COL4A3: variants seen among roughly 807,000 people sequenced by gnomAD.
COL4A3 encodes the protein collagen type IV alpha 3 chain.
A neutral mutation model predicts 217.4 loss-of-function variants in COL4A3; 135 were observed. That is an observed-to-expected ratio of 0.62 (90% CI 0.54 to 0.72). COL4A3 has a LOEUF of 0.72. Among genes scored for constraint, COL4A3 ranks in the 30% least tolerant of loss-of-function variants. The pLI, the probability that COL4A3 is intolerant of heterozygous loss-of-function variation, is 0.00. For synonymous variants in COL4A3, 690 were observed against 736.3 expected (o/e 0.94, Z 1.02); for missense variants, 1,868 against 2,119.9 (o/e 0.88, Z 2.33).
intron 26 of COL4A3, 140 bp from the exon 27 acceptor site, chr2:227,276,245 G>A: frequency 1.4e-6 from 1 of 705,550 alleles, no homozygotes; most frequent in Non-Finnish European, 2.5e-6. Context: ...CCTTAAGCTA[G>A]TTTTGAAGTC....
At position 227,218,078 on chromosome 2, in the gene COL4A3, AGC is replaced by A. The variant is rs1466276646; in HGVS notation, c.88-19889_88-19888del. Among the ~76,000 whole-genome samples, 283 of 48,988 alleles carry A rather than the reference AGC, an allele frequency of 5.8e-3. 2 individuals carry two copies. The highest frequency in any genetic ancestry group is 0.013 in the Admixed American group (53 of 3,932). The allele number at this position is 48,988 out of a possible 152,430, so 32.1% of individuals were successfully genotyped here. The stretch of plus-strand genomic sequence containing the variant: ...CTATATATAAAATAACTATATATAT[AGC>A]TATATATATATATATATATATAGTT... On this transcript the variant is annotated intron_variant, in intron 1 of 51. Coordinates refer to ENST00000396578, the MANE Select transcript of COL4A3 (RefSeq NM_000091.5).
At chr2:227,257,408 T>C (rs2125946180) in intron 17 of COL4A3, among the ~76,000 whole-genome samples, 195 bp from the exon 18 acceptor site, 1 of 152,324 alleles carries the variant, frequency 6.6e-6, no homozygotes, top group African/African-American at 2.4e-5. Context: ...TGTACAACCT[T>C]GTAGATGGGA....
chr2:227,238,526 C>T (rs973279920), intron 2 of COL4A3, among the ~76,000 whole-genome samples: 2 of 151,990 alleles, frequency 1.3e-5, no homozygotes, highest in African/African-American at 2.4e-5. Context: ...TTGCAGAATT[C>T]AAGAAAAAAA....
At chr2:227,263,155 A>T (rs987460191) in intron 20 of COL4A3, among the ~76,000 whole-genome samples, 44 of 152,246 alleles carry the variant, frequency 2.9e-4, no homozygotes, top group African/African-American at 1.1e-3. Context: ...TTGTGTTCAA[A>T]TAATAGGACA....
chr2:227,263,070 T>C (rs1211279751), intron 20 of COL4A3, among the ~76,000 whole-genome samples: 1 of 151,646 alleles, frequency 6.6e-6, no homozygotes, highest in Non-Finnish European at 1.5e-5. Context: ...TTAGTACAAA[T>C]CTAATATGCC....
rs2069730003 is a variant in COL4A3 at position 227,251,364 on chromosome 2, G to T, written c.638G>T (p.Gly213Val). Residue 213 changes from glycine to valine, a missense_variant, in exon 11 of 52, where the codon GGA becomes GTA. This residue lies in a region of COL4A3 where 365 missense variants were observed against 333.8 expected (regional missense o/e 1.09). Transcript: ENST00000396578. ...TTTCCAGGAGCCATGGGACCTAGAG[G>T]ACCTAAGGTAGACTACAGTTCATAT... is the stretch of plus-strand genomic sequence containing the variant. ...FGFPGAMGPR[G>V]PKGHMGERVI... 6.2e-7 allele frequency: 1 copy of T among 1,612,760 alleles called. No homozygotes were observed. The highest frequency in any genetic ancestry group is 8.5e-7 in the Non-Finnish European group (1 of 1,179,880).
intron 1 of COL4A3, among the ~76,000 whole-genome samples, chr2:227,207,230 G>A (rs150895157): frequency 0.011 from 1,689 of 152,188 alleles, 49 homozygotes; most frequent in Admixed American, 0.064. Context: ...TAGAAAAAGA[G>A]TTCTAGGAAA....
At chr2:227,189,928 C>T (rs562676526) in intron 1 of COL4A3, among the ~76,000 whole-genome samples, 54 of 152,246 alleles carry the variant, frequency 3.5e-4, no homozygotes, top group African/African-American at 1.0e-3. Flanking sequence ...CCATTTCTAC[C>T]AGTAATTCTT....
Position 227,261,131 on chromosome 2 carries a change from T to C in COL4A3, c.1150+14T>C, listed in dbSNP as rs1396156222. 3 of 1,607,272 alleles carry C rather than the reference T, an allele frequency of 1.9e-6. No individual in the cohort carries two copies. Among genetic ancestry groups the C allele is most frequent in the Middle Eastern group, 3.3e-4 (2 of 6,052 alleles). ...CTGGAAGTCCTGGTATGTCCATGTT[T>C]CTTGGGGTACAAATAGAAATGCTAT... is the stretch of plus-strand genomic sequence containing the variant. On this transcript the variant is annotated intron_variant, in intron 20 of 51. Coordinates refer to ENST00000396578, the MANE Select transcript of COL4A3 (RefSeq NM_000091.5).
chr2:227,244,276 T>C (rs760705318), intron 3 of COL4A3, 44 bp from the exon 4 acceptor site: 6 of 1,589,108 alleles, frequency 3.8e-6, no homozygotes, highest in Non-Finnish European at 5.2e-6. Flanking sequence ...TAGTGCCAAA[T>C]AATTTTCAGA....
Position 227,280,598 on chromosome 2 carries a change from A to G in COL4A3, c.2374+8A>G. The G allele has an allele frequency of 6.2e-7, 1 of 1,614,018 alleles. No individual in the cohort carries two copies. Among genetic ancestry groups the G allele is most frequent in the Non-Finnish European group, 8.5e-7 (1 of 1,179,928 alleles). ...GGCTTGATGGACCACGAGGTACAAT[A>G]GCAAGTGTCATTACTTTTCTCCACT... On this transcript the variant is annotated splice_region_variant and intron_variant, in intron 30 of 51. Coordinates refer to ENST00000396578, the MANE Select transcript of COL4A3 (RefSeq NM_000091.5).
chr2:227,294,044 C>A (rs77012767), intron 38 of COL4A3: 90 of 291,804 alleles, frequency 3.1e-4, no homozygotes, highest in African/African-American at 1.9e-3. Context: ...TGTGCTGTGA[C>A]TCTTTTTCGA....
At position 227,295,041 on chromosome 2, in the gene COL4A3, G is replaced by C. The variant is rs574443391; in HGVS notation, c.3496G>C (p.Ala1166Pro). The C allele has an allele frequency of 5.6e-6, 9 of 1,613,528 alleles. No homozygotes were observed. The South Asian group carries it at 8.8e-5, about 16-fold the overall frequency. Residue 1166 changes from alanine (A) to proline (P), a missense_variant, in exon 40 of 52, where the codon GCC becomes CCC. This residue lies in a region of COL4A3 where 1,503 missense variants were observed against 1,786.1 expected (regional missense o/e 0.84). Coordinates refer to ENST00000396578, the MANE Select transcript of COL4A3 (RefSeq NM_000091.5). Reference protein sequence around the residue: ...DQGRDGIPGPAGEKGETGLLR... With the variant: ...DQGRDGIPGPPGEKGETGLLR... Reference sequence around the variant, plus strand: ...AGGACGTGATGGAATTCCTGGTCCAGCCGGAGAAAAGGGAGAAACGGGTAC... The same window carrying C: ...AGGACGTGATGGAATTCCTGGTCCACCCGGAGAAAAGGGAGAAACGGGTAC...
At chr2:227,289,558 A>G (rs1266465818) in intron 35 of COL4A3, among the ~76,000 whole-genome samples, 1 of 152,226 alleles carries the variant, frequency 6.6e-6, no homozygotes, top group Non-Finnish European at 1.5e-5. Flanking sequence ...ATGCTTTAGA[A>G]GTTTTCAGGT....
chr2:227,280,910 G>T lies in COL4A3; in HGVS notation c.2392G>T (p.Gly798Ter). Residue 798 changes from glycine to a stop codon, truncating the protein, a stop_gained, in exon 31 of 52, where the codon GGA becomes TGA. Transcript: ENST00000396578. LOFTEE classifies it high-confidence loss of function. ...DGPRGDPGQP[G>*]PPGEQGPPGR... ...TTTTGCAGGAGATCCAGGGCAGCCTGGACCACCTGGAGAACAAGGACCCCC... is the reference window on the plus strand; with the variant it reads ...TTTTGCAGGAGATCCAGGGCAGCCTTGACCACCTGGAGAACAAGGACCCCC... 1 of 1,558,494 alleles carries T rather than the reference G, an allele frequency of 6.4e-7. No homozygotes were observed. The highest frequency in any genetic ancestry group is 8.7e-7 in the Non-Finnish European group (1 of 1,150,754).
intron 1 of COL4A3, among the ~76,000 whole-genome samples, chr2:227,201,525 TAGA>T (rs751211968): frequency 6.6e-6 from 1 of 152,278 alleles, no homozygotes; most frequent in Non-Finnish European, 1.5e-5. Context: ...CAGTTGACGT[TAGA>T]AGAATAGTAG....
At chr2:227,234,365 G>A (rs2068574890) in intron 1 of COL4A3, among the ~76,000 whole-genome samples, 1 of 152,130 alleles carries the variant, frequency 6.6e-6, no homozygotes, top group Non-Finnish European at 1.5e-5. Context: ...AAATAATTAG[G>A]CTTGTGTTAA....
chr2:227,291,541 A>C (rs1451013744), intron 37 of COL4A3, among the ~76,000 whole-genome samples: 1 of 126,676 alleles, frequency 7.9e-6, no homozygotes, highest in Non-Finnish European at 1.6e-5. Flanking sequence ...CCAACCTGGG[A>C]GACACAGCGA....
intron 37 of COL4A3, among the ~76,000 whole-genome samples, chr2:227,292,253 T>C (rs4390761): frequency 0.75 from 113,697 of 152,004 alleles, 44,366 homozygotes; most frequent in Non-Finnish European, 0.87. Flanking sequence ...AAGAAAAAAA[T>C]TTAGACACTA....
Sources: gnomAD v4.1 joint callset for allele counts (sites outside exome capture counted in the v4.1 genomes callset) on GRCh38, gnomAD v4.1.1 for gene constraint, gnomAD v4.1.1 regional missense constraint, MANE v1.5 for transcripts, NCBI Gene and HGNC (gene_info 2026-07-23, HGNC 2026-07-21) for gene names.